Variants in AK6 observed in about 807,000 individuals in gnomAD.
AK6 encodes the protein adenylate kinase isoenzyme 6.
In AK6, 24 loss-of-function variants were observed where a neutral mutation model predicts 23.7. The observed-to-expected ratio is 1.01, with a 90% CI of 0.73 to 1.43. AK6 has a LOEUF of 1.43. AK6 is among the 40% of genes most tolerant of loss of function. The probability of loss-of-function intolerance (pLI) is 0.00; values close to 1 mark genes in which losing one functional copy is unlikely to be tolerated. For missense variants in AK6, 191 were observed against 199.1 expected, an observed-to-expected ratio of 0.96 and a Z score of 0.24; for synonymous variants, 73 against 69.8, an observed-to-expected ratio of 1.05 and a Z score of -0.23.
chr5:69,361,081 G>A (rs2150734478), intron 2 of AK6, among the ~76,000 whole-genome samples: 1 of 152,344 alleles, frequency 6.6e-6, no homozygotes. Context: ...ATATAGGAAA[G>A]GGTATCAAGT....
intron 2 of AK6, among the ~76,000 whole-genome samples, chr5:69,361,469 C>G (rs1435751446): frequency 1.3e-5 from 2 of 151,544 alleles, no homozygotes; most frequent in Admixed American, 6.6e-5. Context: ...GACGGAATCT[C>G]TCTCTGTCAC....
In AK6 at chr5:69,369,226, A is replaced by ACAC; in HGVS notation, c.28+236_28+237insGTG. 4 of 123,114 alleles carry ACAC rather than the reference A, an allele frequency of 3.2e-5. 1 individual carries two copies. In the South Asian group the frequency reaches 6.5e-4, roughly 20 times the overall value. 7.6% of individuals were successfully genotyped at this position (123,114 alleles called of 1,614,324 possible). Reference sequence around the variant, plus strand: ...GAGCTGGATCTGCCGACCTCTCTCCACCCCCCCCCGCCCCCCCCCGGAGCC... The same window carrying ACAC: ...GAGCTGGATCTGCCGACCTCTCTCCACACCCCCCCCCCGCCCCCCCCCGGAGCC... On this transcript the variant is annotated intron_variant, in intron 1 of 4. Transcript: ENST00000380822.
chr5:69,364,454 T>A (rs986077363), intron 2 of AK6, among the ~76,000 whole-genome samples: 2 of 152,072 alleles, frequency 1.3e-5, no homozygotes, highest in African/African-American at 4.8e-5. Context: ...TTGAGGAAGA[T>A]AATCAAAGCA....
In AK6 at chr5:69,355,718, T is replaced by C. The variant is rs370633538; in HGVS notation, c.257A>G (p.Glu86Gly). The C allele has an allele frequency of 5.6e-6, 9 of 1,613,916 alleles. No homozygotes were observed. Among genetic ancestry groups the C allele is most frequent in the Middle Eastern group, 1.7e-4 (1 of 6,054 alleles). ...VDYHGCDFFP[E>G]RWFHIVFVLR... The stretch of plus-strand genomic sequence containing the variant: ...CACAAAAACTATATGAAACCAGCGT[T>C]CAGGGAAGAAATCACAACCATGGTA... The change falls in exon 4 of 5, where the codon GAA (glutamate) becomes GGA (glycine). Residue 86 changes from glutamate to glycine, a missense_variant. Coordinates refer to ENST00000380822, the MANE Select transcript of AK6 (RefSeq NM_016283.5).
chr5:69,358,326 G>A (rs991985857), intron 2 of AK6, among the ~76,000 whole-genome samples: 2 of 151,988 alleles, frequency 1.3e-5, no homozygotes, highest in Non-Finnish European at 2.9e-5. Flanking sequence ...GTTGAGACCA[G>A]CCTGGCCAAC....
intron 4 of AK6, among the ~76,000 whole-genome samples, chr5:69,354,393 C>A (rs994342820): frequency 2.6e-5 from 4 of 152,124 alleles, no homozygotes; most frequent in Non-Finnish European, 2.9e-5. Context: ...CTATTCTGTG[C>A]AAGGATTTAC....
At chr5:69,364,957 A>AGTCATCATC in intron 2 of AK6, 2 of 1,611,020 alleles carry the variant, frequency 1.2e-6, no homozygotes, top group Middle Eastern at 3.3e-4. Flanking sequence ...AGATTATCAT[A>AGTCATCATC]GTCATCATCA....
chr5:69,363,913 GC>G (rs1411899671), intron 2 of AK6, among the ~76,000 whole-genome samples: 1 of 151,844 alleles, frequency 6.6e-6, no homozygotes. Context: ...CATGGCAAAA[GC>G]CCATCTCTAC....
At chr5:69,361,302 T>C (rs555681857) in intron 2 of AK6, among the ~76,000 whole-genome samples, 53 of 152,168 alleles carry the variant, frequency 3.5e-4, no homozygotes, top group Admixed American at 2.5e-3. Flanking sequence ...TTTGTATTTT[T>C]AGTAGAGACG....
At chr5:69,365,366 A>G in intron 2 of AK6, 1 of 1,614,200 alleles carries the variant, frequency 6.2e-7, no homozygotes, top group Non-Finnish European at 8.5e-7. Context: ...TATAGTTTGG[A>G]GCTGTTAAGC....
Position 69,351,080 on chromosome 5 carries a change from T to C in AK6, c.*981A>G, listed in dbSNP as rs1400244270. On this transcript the variant is annotated 3_prime_UTR_variant, in exon 5 of 5. Transcript: ENST00000380822. ...CTGCAAGGGGATGAGGAGGAAAGAATAGAGAGTGACTGCTAAAGGGTATAG... is the reference window on the plus strand; with the variant it reads ...CTGCAAGGGGATGAGGAGGAAAGAACAGAGAGTGACTGCTAAAGGGTATAG... 1 of 152,216 alleles carries C rather than the reference T, an allele frequency of 6.6e-6. No homozygotes were observed. Among genetic ancestry groups the C allele is most frequent in the Non-Finnish European group, 1.5e-5 (1 of 68,042 alleles). 9.4% of individuals were successfully genotyped at this position (152,216 alleles called of 1,614,324 possible). A position where few individuals can be genotyped will look rare whatever the true frequency, so the allele number is the denominator to read the frequency against.
At chr5:69,365,786 A>G in intron 2 of AK6, 1 of 1,423,608 alleles carries the variant, frequency 7.0e-7, no homozygotes, top group South Asian at 1.6e-5. Flanking sequence ...TATGTACATT[A>G]GATCAATCTG....
intron 2 of AK6, among the ~76,000 whole-genome samples, chr5:69,359,464 T>A (rs775737300): frequency 6.6e-6 from 1 of 152,048 alleles, no homozygotes; most frequent in Admixed American, 6.6e-5. Context: ...AGGCTGGTCT[T>A]GAACTTTTGA....
intron 1 of AK6, among the ~76,000 whole-genome samples, chr5:69,367,245 G>A (rs1580323209): frequency 2.0e-5 from 3 of 152,040 alleles, no homozygotes; most frequent in Admixed American, 2.0e-4. Flanking sequence ...GGGCGCAGTG[G>A]CTCATGCCTG....
chr5:69,368,572 G>A (rs977448680), intron 1 of AK6, among the ~76,000 whole-genome samples: 2 of 151,576 alleles, frequency 1.3e-5, no homozygotes, highest in East Asian at 3.8e-4. Context: ...TTGTGGGGTG[G>A]TTAATCTGCA....
At chr5:69,362,626 T>C (rs1432292379) in intron 2 of AK6, among the ~76,000 whole-genome samples, 1 of 152,022 alleles carries the variant, frequency 6.6e-6, no homozygotes, top group East Asian at 1.9e-4. Context: ...CTTGTGTCTG[T>C]AGTCCCAGCT....
rs751094511 is a variant in AK6 at position 69,352,258 on chromosome 5, A to AACT, written c.327-6_327-5insAGT. The AACT allele has an allele frequency of 6.2e-7, 1 of 1,603,966 alleles. No homozygotes were observed. Among genetic ancestry groups the AACT allele is most frequent in the South Asian group, 1.1e-5 (1 of 89,356 alleles). On this transcript the variant is annotated splice_polypyrimidine_tract_variant and splice_region_variant and intron_variant, in intron 4 of 4. Coordinates refer to ENST00000380822, the MANE Select transcript of AK6 (RefSeq NM_016283.5). ...AGTTTCTTCTCATTATAACCCCTAG[A>AACT]AGGCAGGGAGGTTAAGCAAACAAGA...
At chr5:69,369,689 T>C (rs1252636503), upstream of AK6, 1 of 1,553,598 alleles carries the variant, frequency 6.4e-7, no homozygotes, top group Admixed American at 2.0e-5. Context: ...CGTCGCAAAG[T>C]TGGAGGGTGG....
At chr5:69,360,478 T>C (rs1341672281) in intron 2 of AK6, among the ~76,000 whole-genome samples, 3 of 152,204 alleles carry the variant, frequency 2.0e-5, no homozygotes, top group East Asian at 1.9e-4. Context: ...CTGGGAACTA[T>C]CCAGATGGTT....
Sources: allele counts gnomAD v4.1 joint callset (sites outside exome capture counted in the v4.1 genomes callset), GRCh38; gene constraint gnomAD v4.1.1; transcripts MANE v1.5; gene names NCBI Gene and HGNC (gene_info 2026-07-23, HGNC 2026-07-21).